XXYLT1: variants seen among roughly 807,000 people sequenced by gnomAD.
XXYLT1 encodes the protein xyloside xylosyltransferase 1, also known as UDP-xylose:alpha-xyloside alpha-1,3-xylosyltransferase.
A neutral mutation model predicts 28.9 loss-of-function variants in XXYLT1; 20 were observed. The ratio of observed to expected loss-of-function variants is 0.69; its 90% CI spans 0.49 to 1.00. The LOEUF (loss-of-function observed/expected upper bound fraction) is 1.00, where lower values mean the gene tolerates loss of function less well. XXYLT1 is among the 50% of genes least tolerant of loss of function. The probability of loss-of-function intolerance (pLI) is 0.00; values close to 1 mark genes in which losing one functional copy is unlikely to be tolerated. For missense variants in XXYLT1, 542 were observed against 560.1 expected (o/e 0.97, Z 0.33); for synonymous variants, 257 against 253.8 (o/e 1.01, Z -0.12).
In XXYLT1 at chr3:195,185,002, C is replaced by T. The variant is rs188402554; in HGVS notation, c.653-28421G>A. On this transcript the variant is annotated intron_variant, in intron 2 of 3. Transcript: ENST00000310380. ...GTAGAAGTCAGGAGGGCCTGGCACC[C>T]CTCATGCCTGCCCTCTTGCAGAGCA... Among the ~76,000 whole-genome samples, 65 of 152,070 alleles carry T rather than the reference C, an allele frequency of 4.3e-4. No homozygotes were observed. The East Asian group carries it at 0.01, about 24-fold the overall frequency.
intron 1 of XXYLT1, among the ~76,000 whole-genome samples, chr3:195,251,453 A>G (rs556988358): frequency 1.1e-4 from 16 of 152,298 alleles, no homozygotes; most frequent in Admixed American, 3.9e-4. Context: ...ACAGCCCTGC[A>G]CCTGCCCATG....
intron 3 of XXYLT1, among the ~76,000 whole-genome samples, chr3:195,110,206 G>GGGTGTA: frequency 2.0e-5 from 1 of 51,178 alleles, no homozygotes; most frequent in Non-Finnish European, 5.1e-5. Context: ...TGTATGTGTG[G>GGGTGTA]TGTGTGCGTG....
chr3:195,244,876 C>T (rs1335025857), intron 1 of XXYLT1, among the ~76,000 whole-genome samples: 2 of 148,386 alleles, frequency 1.3e-5, no homozygotes, highest in Non-Finnish European at 1.5e-5. Context: ...AAAAAAAAAC[C>T]CACTCCCGGC....
rs1188821370 is a variant in XXYLT1 at position 195,150,121 on chromosome 3, C to T, written c.785+6328G>A. Among the ~76,000 whole-genome samples the T allele has an allele frequency of 6.6e-6, 1 of 152,156 alleles. No individual in the cohort carries two copies. The highest frequency in any genetic ancestry group is 1.5e-5 in the Non-Finnish European group (1 of 68,020). ...TAGGTTCACAGAACTTATCAGTGGC[C>T]AAGCTGGGACTGTGGATAACGCTGC... On this transcript the variant is annotated intron_variant, in intron 3 of 3. Transcript: ENST00000310380. The surrounding 1 kb of genome is among the most constrained non-coding windows in gnomAD (Gnocchi z 4.7).
intron 2 of XXYLT1, among the ~76,000 whole-genome samples, chr3:195,169,866 T>C (rs1326080089): frequency 1.5e-5 from 2 of 135,478 alleles, no homozygotes; most frequent in African/African-American, 3.0e-5. Flanking sequence ...TATATATATA[T>C]ATATTTTTTT....
chr3:195,220,514 C>T (rs968637464), intron 2 of XXYLT1, among the ~76,000 whole-genome samples: 1 of 152,176 alleles, frequency 6.6e-6, no homozygotes, highest in South Asian at 2.1e-4. Context: ...GAAGCCTTGA[C>T]CTTGGGAGTC....
At chr3:195,106,752 T>C (rs567828020) in intron 3 of XXYLT1, among the ~76,000 whole-genome samples, 2 of 152,338 alleles carry the variant, frequency 1.3e-5, no homozygotes, top group Non-Finnish European at 2.9e-5. Context: ...CTTTCACCAC[T>C]GTCTTCAGCT....
chr3:195,220,089 G>C (rs372533508), intron 2 of XXYLT1, among the ~76,000 whole-genome samples: 1 of 152,128 alleles, frequency 6.6e-6, no homozygotes, highest in African/African-American at 2.4e-5. Context: ...TGGGAGCTGG[G>C]GGGAGGGGAG....
chr3:195,228,423 G>A (rs981407647), intron 1 of XXYLT1, among the ~76,000 whole-genome samples: 6 of 151,292 alleles, frequency 4.0e-5, no homozygotes, highest in East Asian at 3.9e-4. Context: ...ATCGGTGGTC[G>A]TGGCCCTGTA....
chr3:195,108,662 C>T (rs999635313), intron 3 of XXYLT1, among the ~76,000 whole-genome samples: 1 of 152,216 alleles, frequency 6.6e-6, no homozygotes, highest in Non-Finnish European at 1.5e-5. Flanking sequence ...AGGCTACAAA[C>T]CTGCATGGCA....
chr3:195,145,720 A>T (rs982583003), intron 3 of XXYLT1, among the ~76,000 whole-genome samples: 3 of 152,232 alleles, frequency 2.0e-5, no homozygotes, highest in African/African-American at 7.2e-5. Flanking sequence ...CCTCATAATG[A>T]GCGCTCGTCT....
intron 2 of XXYLT1, among the ~76,000 whole-genome samples, chr3:195,225,208 T>C (rs1339873042): frequency 6.6e-6 from 1 of 152,140 alleles, no homozygotes; most frequent in South Asian, 2.1e-4. Flanking sequence ...CAATGCTAGA[T>C]CTTCACCCTA....
rs139621480 is a variant in XXYLT1 at position 195,184,332 on chromosome 3, C to T, written c.653-27751G>A. On this transcript the variant is annotated intron_variant, in intron 2 of 3. Transcript: ENST00000310380. The stretch of plus-strand genomic sequence containing the variant: ...ATGCTAAATGTGACTGGCTTTTAGC[C>T]CAATATGTGGAGCTCTCCATACCTC... Among the ~76,000 whole-genome samples, 429 of 152,238 alleles carry T rather than the reference C, an allele frequency of 2.8e-3. 1 individual carries two copies. Among genetic ancestry groups the T allele is most frequent in the African/African-American group, 9.9e-3 (410 of 41,528 alleles).
At position 195,129,232 on chromosome 3, in the gene XXYLT1, T is replaced by TC; in HGVS notation, c.785+27216_785+27217insG. On this transcript the variant is annotated intron_variant, in intron 3 of 3. Coordinates refer to ENST00000310380, the MANE Select transcript of XXYLT1 (RefSeq NM_152531.5). This position sits in a 1 kb window ranked among gnomAD's most constrained non-coding sequence, Gnocchi z 4.4. ...CCTCCTGCCCTCTCTCTCTCTCTTT[T>TC]TTTGGTAACAGCTTTCTTGACACAT... Among the ~76,000 whole-genome samples, 1 of 152,180 alleles carries TC rather than the reference T, an allele frequency of 6.6e-6. No individual in the cohort carries two copies. Among genetic ancestry groups the TC allele is most frequent in the Non-Finnish European group, 1.5e-5 (1 of 68,024 alleles).
intron 3 of XXYLT1, among the ~76,000 whole-genome samples, chr3:195,101,566 T>C (rs1214920796): frequency 6.6e-6 from 1 of 152,220 alleles, no homozygotes; most frequent in Non-Finnish European, 1.5e-5. Context: ...GGATAAAATA[T>C]GGCAGTTATA....
intron 2 of XXYLT1, among the ~76,000 whole-genome samples, chr3:195,199,773 A>C (rs1160686318): frequency 6.6e-6 from 1 of 152,140 alleles, no homozygotes. Flanking sequence ...CTCGCAGTGC[A>C]CTTGTGTTGG....
intron 3 of XXYLT1, among the ~76,000 whole-genome samples, chr3:195,144,911 A>G (rs4677816): frequency 0.19 from 29,534 of 152,084 alleles, 3,411 homozygotes; most frequent in East Asian, 0.42. Context: ...CGGCAGAAGA[A>G]ATAGGGGTGC....
intron 1 of XXYLT1, among the ~76,000 whole-genome samples, chr3:195,258,270 G>A (rs1416623083): frequency 6.6e-6 from 1 of 152,200 alleles, no homozygotes. Flanking sequence ...AGGCATAGGA[G>A]CAGGCTCTGG....
chr3:195,111,737 A>G (rs1360803957), intron 3 of XXYLT1, among the ~76,000 whole-genome samples: 1 of 152,178 alleles, frequency 6.6e-6, no homozygotes, highest in Non-Finnish European at 1.5e-5. Flanking sequence ...CAACGTGGTA[A>G]GATTAACAGA....
Sources: allele counts gnomAD v4.1 joint callset (sites outside exome capture counted in the v4.1 genomes callset), GRCh38; gene constraint gnomAD v4.1.1; non-coding constraint Gnocchi (gnomAD v3.1); transcripts MANE v1.5; gene names NCBI Gene and HGNC (gene_info 2026-07-23, HGNC 2026-07-21).